Variants in UNC5D observed in about 807,000 individuals in gnomAD.
UNC5D encodes unc-5 netrin receptor D.
UNC5D carries 39 observed loss-of-function variants against 105.4 expected under a neutral mutation model. That is an observed-to-expected ratio of 0.37 (90% confidence interval 0.29 to 0.48). UNC5D has a LOEUF of 0.48. Among genes scored for constraint, UNC5D ranks in the 20% least tolerant of loss-of-function variants. The pLI, the probability that UNC5D is intolerant of heterozygous loss-of-function variation, is 0.98. For missense variants in UNC5D, 991 were observed against 1,202.4 expected (o/e 0.82, Z 2.60); for synonymous variants, 452 against 450.4 (o/e 1.00, Z -0.04).
intron 16 of UNC5D, 48 bp from the exon 17 acceptor site, chr8:35,790,311 T>C: frequency 6.4e-7 from 1 of 1,569,490 alleles, no homozygotes; most frequent in South Asian, 1.1e-5. Context: ...TTTATTCCTT[T>C]ATTTTCATGT....
In UNC5D at chr8:35,278,758, G is replaced by C. The variant is rs570105212; in HGVS notation, c.103+42871G>C. ...AGCACCTGAAATCTACTCTCTTAGT[G>C]AATTTCCAGAACCCAGTACAGCATT... On this transcript the variant is annotated intron_variant, in intron 1 of 16. Transcript: ENST00000404895. Among the ~76,000 whole-genome samples, 3 of 152,140 alleles carry C rather than the reference G, an allele frequency of 2.0e-5. No individual in the cohort carries two copies. The South Asian group carries it at 6.2e-4, about 32-fold the overall frequency.
intron 4 of UNC5D, among the ~76,000 whole-genome samples, chr8:35,606,572 C>T (rs544815798): frequency 1.3e-5 from 2 of 152,228 alleles, no homozygotes; most frequent in African/African-American, 4.8e-5. Context: ...CCTCTTCCTC[C>T]TCCCACCCTC....
intron 1 of UNC5D, among the ~76,000 whole-genome samples, chr8:35,498,199 G>A (rs1032371980): frequency 2.0e-5 from 3 of 149,876 alleles, no homozygotes; most frequent in Non-Finnish European, 1.5e-5. Flanking sequence ...ATACAGACAT[G>A]TCTACTAAGT....
intron 1 of UNC5D, among the ~76,000 whole-genome samples, chr8:35,246,861 C>T (rs190883762): frequency 6.6e-5 from 10 of 152,146 alleles, no homozygotes; most frequent in African/African-American, 2.2e-4. Context: ...TATGTCATGG[C>T]CCTTTATTGA....
At chr8:35,709,388 T>G (rs1169797909) in intron 8 of UNC5D, among the ~76,000 whole-genome samples, 2 of 151,952 alleles carry the variant, frequency 1.3e-5, no homozygotes, top group African/African-American at 4.8e-5. Flanking sequence ...TGTTCAGGGG[T>G]TTCTATAATA....
At chr8:35,538,409 A>G (rs1220657761) in intron 1 of UNC5D, among the ~76,000 whole-genome samples, 3 of 44,726 alleles carry the variant, frequency 6.7e-5, no homozygotes, top group Non-Finnish European at 1.1e-4. Flanking sequence ...ATATATATAT[A>G]TATATATATA....
At chr8:35,640,927 CCTCT>C (rs561692687) in intron 4 of UNC5D, among the ~76,000 whole-genome samples, 2 of 151,356 alleles carry the variant, frequency 1.3e-5, no homozygotes, top group South Asian at 2.1e-4. Context: ...CTCCTCCTCT[CCTCT>C]CTCTCTCTCT....
chr8:35,794,149 A>T lies in UNC5D; in HGVS notation c.*3586A>T, dbSNP rs1803166127. On this transcript the variant is annotated 3_prime_UTR_variant, in exon 17 of 17. Transcript: ENST00000404895. The stretch of plus-strand genomic sequence containing the variant: ...ACCTGTGAATTTCAAAATGTTATAA[A>T]ATCTCTTGATATGCTTTTGTTTTTC... The T allele has an allele frequency of 6.6e-6, 1 of 152,142 alleles. No individual in the cohort carries two copies. The highest frequency in any genetic ancestry group is 1.5e-5 in the Non-Finnish European group (1 of 68,018). 9.4% of individuals were successfully genotyped at this position (152,142 alleles called of 1,614,324 possible).
In UNC5D at chr8:35,480,758, C is replaced by T. The variant is rs534761473; in HGVS notation, c.104-68534C>T. ...GATAAGTGCTATGAGACAAACAAAT[C>T]GGGCAAGATAAAGGAGATCAGGAAT... On this transcript the variant is annotated intron_variant, in intron 1 of 16. Transcript: ENST00000404895. 6.6e-5 allele frequency among the ~76,000 whole-genome samples: 10 copies of T among 152,146 alleles called. No individual in the cohort carries two copies. In the East Asian group the frequency reaches 1.2e-3, roughly 18 times the overall value.
intron 8 of UNC5D, among the ~76,000 whole-genome samples, chr8:35,720,140 C>G (rs1586523835): frequency 6.6e-6 from 1 of 152,274 alleles, no homozygotes; most frequent in East Asian, 1.9e-4. Context: ...GGAACAAAGA[C>G]AACTTGTTCC....
At chr8:35,677,481 A>G (rs1430695230) in intron 4 of UNC5D, among the ~76,000 whole-genome samples, 2 of 151,646 alleles carry the variant, frequency 1.3e-5, no homozygotes, top group East Asian at 3.9e-4. Context: ...TTTTTTTCCT[A>G]TTTTATTTAT....
chr8:35,735,562 G>A (rs541482021), intron 11 of UNC5D, among the ~76,000 whole-genome samples: 43 of 152,308 alleles, frequency 2.8e-4, no homozygotes, highest in African/African-American at 1.0e-3. Context: ...AGAGGTGGTG[G>A]TAATAGAAAA....
chr8:35,691,059 A>C (rs1826357587), intron 7 of UNC5D, among the ~76,000 whole-genome samples: 1 of 152,186 alleles, frequency 6.6e-6, no homozygotes, highest in Non-Finnish European at 1.5e-5. Context: ...CATTTCTCCT[A>C]GAGATGAAGC....
intron 4 of UNC5D, among the ~76,000 whole-genome samples, chr8:35,648,678 CAAAAAAAAAAA>C (rs1251731084): frequency 8.7e-5 from 4 of 46,040 alleles, no homozygotes; most frequent in African/African-American, 2.8e-4. Context: ...GAGTCCGTCT[CAAAAAAAAAAA>C]AAAAAAAAAA....
chr8:35,462,032 GGTGTCC>G (rs1193370943), intron 1 of UNC5D, among the ~76,000 whole-genome samples: 3 of 152,004 alleles, frequency 2.0e-5, no homozygotes, highest in Non-Finnish European at 2.9e-5. Flanking sequence ...TGAGCTTTTT[GGTGTCC>G]TTAAAACTTG....
chr8:35,643,017 C>T (rs1469210187), intron 4 of UNC5D, among the ~76,000 whole-genome samples: 1 of 152,098 alleles, frequency 6.6e-6, no homozygotes, highest in African/African-American at 2.4e-5. Flanking sequence ...AGGGACAGGC[C>T]AGCTTCTGGT....
At chr8:35,544,290 T>C (rs1051697662) in intron 1 of UNC5D, 166 of 1,292,892 alleles carry the variant, frequency 1.3e-4, no homozygotes, top group Non-Finnish European at 1.6e-4. Context: ...TAGGATTTAA[T>C]TAAGTGAAGC....
At chr8:35,614,199 G>T (rs1820868743) in intron 4 of UNC5D, among the ~76,000 whole-genome samples, 1 of 152,184 alleles carries the variant, frequency 6.6e-6, no homozygotes, top group South Asian at 2.1e-4. Context: ...CTTAATGAAA[G>T]GTTCATTTGT....
rs540319655 is a variant in UNC5D at position 35,559,092 on chromosome 8, T to C, written c.323-9006T>C. Among the ~76,000 whole-genome samples, 4 of 152,318 alleles carry C rather than the reference T, an allele frequency of 2.6e-5. No homozygotes were observed. The South Asian group carries it at 8.3e-4, about 32-fold the overall frequency. On this transcript the variant is annotated intron_variant, in intron 2 of 16. Transcript: ENST00000404895. ...TACTCATGAAGTTGTACTGGAGTAA[T>C]TCTTTGGGACTTTGTCTACAAAAAA...
Sources: allele counts gnomAD v4.1 joint callset (sites outside exome capture counted in the v4.1 genomes callset), GRCh38; gene constraint gnomAD v4.1.1; transcripts MANE v1.5; gene names NCBI Gene and HGNC (gene_info 2026-07-23, HGNC 2026-07-21).